REV1: variants seen among roughly 807,000 people sequenced by gnomAD.
REV1 encodes REV1 DNA directed polymerase.
REV1 carries 42 observed loss-of-function variants against 137.4 expected under a neutral mutation model. The observed-to-expected ratio is 0.31, with a 90% confidence interval of 0.24 to 0.40. The LOEUF is 0.40. Ranked by LOEUF, REV1 falls within the 10% of genes least tolerant of loss-of-function variation. The pLI is 1.00. For synonymous variants in REV1, 524 were observed against 519.2 expected (o/e 1.01, Z -0.12); for missense variants, 1,282 against 1,490.1 (o/e 0.86, Z 2.30).
At chr2:99,478,042 G>T (rs761797939) in intron 1 of REV1, among the ~76,000 whole-genome samples, 1 of 152,172 alleles carries the variant, frequency 6.6e-6, no homozygotes, top group African/African-American at 2.4e-5. Flanking sequence ...AGACCAGCCT[G>T]GCCAAAATGG....
intron 11 of REV1, among the ~76,000 whole-genome samples, chr2:99,420,982 G>A (rs999419367): frequency 1.3e-5 from 2 of 152,188 alleles, no homozygotes; most frequent in African/African-American, 4.8e-5. Flanking sequence ...AAAAAGCAGG[G>A]TAAGTGCTGG....
At chr2:99,423,894 T>C (rs1679005264) in intron 10 of REV1, among the ~76,000 whole-genome samples, 2 of 152,194 alleles carry the variant, frequency 1.3e-5, no homozygotes, top group African/African-American at 4.8e-5. Flanking sequence ...CTAGAAGTAA[T>C]ATAAGCAAAT....
intron 1 of REV1, among the ~76,000 whole-genome samples, chr2:99,481,550 T>C (rs1356008917): frequency 6.6e-6 from 1 of 152,228 alleles, no homozygotes; most frequent in Non-Finnish European, 1.5e-5. Context: ...TTCTCACTTC[T>C]TTAGCCAGCA....
intron 1 of REV1, among the ~76,000 whole-genome samples, chr2:99,486,827 A>C (rs1435359850): frequency 2.6e-5 from 4 of 152,216 alleles, no homozygotes; most frequent in African/African-American, 4.8e-5. Flanking sequence ...ACTGGGGATA[A>C]AGCTGTGTAC....
intron 4 of REV1, among the ~76,000 whole-genome samples, chr2:99,448,256 A>G (rs1682473702): frequency 6.6e-6 from 1 of 152,222 alleles, no homozygotes; most frequent in South Asian, 2.1e-4. Context: ...AAAGATAAGC[A>G]ATCTCTCATA....
chr2:99,454,163 G>A (rs1683252607), intron 3 of REV1, among the ~76,000 whole-genome samples: 1 of 151,856 alleles, frequency 6.6e-6, no homozygotes, highest in African/African-American at 2.4e-5. Context: ...GCTGAGGCAG[G>A]AGGATCATTT....
chr2:99,481,698 C>CAG (rs1271651240), intron 1 of REV1, among the ~76,000 whole-genome samples: 1 of 151,670 alleles, frequency 6.6e-6, no homozygotes, highest in Non-Finnish European at 1.5e-5. Context: ...TCCCTACACA[C>CAG]ACACACACAC....
intron 6 of REV1, among the ~76,000 whole-genome samples, chr2:99,436,359 G>T (rs1235770964): frequency 6.6e-6 from 1 of 152,100 alleles, no homozygotes; most frequent in Non-Finnish European, 1.5e-5. Context: ...TTATGTGTAT[G>T]TATTTATTTA....
At chr2:99,413,371 G>T (rs972980951) in intron 12 of REV1, among the ~76,000 whole-genome samples, 1 of 152,020 alleles carries the variant, frequency 6.6e-6, no homozygotes, top group South Asian at 2.1e-4. Flanking sequence ...TTATGATTTC[G>T]GTCATCACCA....
intron 1 of REV1, among the ~76,000 whole-genome samples, chr2:99,483,063 T>C (rs1030989063): frequency 1.3e-5 from 2 of 150,102 alleles, no homozygotes; most frequent in East Asian, 3.9e-4. Context: ...CTTTAAGATA[T>C]TGAAGAAGAA....
chr2:99,478,572 A>G (rs905692333), intron 1 of REV1, among the ~76,000 whole-genome samples: 1 of 152,256 alleles, frequency 6.6e-6, no homozygotes, highest in East Asian at 1.9e-4. Flanking sequence ...TTATCTGTAG[A>G]AAAGTTCAAG....
rs1251391078 is a variant in REV1, at chr2:99,437,879, A to G, written c.1213+722T>C. 5.3e-5 allele frequency among the ~76,000 whole-genome samples: 8 copies of G among 152,260 alleles called. No individual in the cohort carries two copies. In the East Asian group the frequency reaches 1.5e-3, roughly 29 times the overall value. On this transcript the variant is annotated intron_variant, in intron 6 of 22. Transcript: ENST00000258428. ...AAACATAACAGAAAACACCCCACAT[A>G]GAGTCTCTATCACTTTCTAGGACAG...
intron 3 of REV1, among the ~76,000 whole-genome samples, chr2:99,460,801 GAT>G (rs150099331): frequency 0.011 from 1,675 of 151,952 alleles, 9 homozygotes; most frequent in Middle Eastern, 0.024. Flanking sequence ...TGCAGAAAAG[GAT>G]AGAGATAATA....
chr2:99,474,065 T>TA (rs1471645802), intron 1 of REV1, among the ~76,000 whole-genome samples: 1 of 152,236 alleles, frequency 6.6e-6, no homozygotes, highest in Admixed American at 6.5e-5. Context: ...TCCTACCACC[T>TA]AAAAAAATTC....
intron 9 of REV1, among the ~76,000 whole-genome samples, chr2:99,427,272 C>T (rs541733718): frequency 6.6e-6 from 1 of 152,122 alleles, no homozygotes; most frequent in Non-Finnish European, 1.5e-5. Flanking sequence ...TGGGTCCTTA[C>T]AAAAGCACAA....
chr2:99,419,357 C>T (rs1021564696), intron 11 of REV1, among the ~76,000 whole-genome samples: 1 of 151,692 alleles, frequency 6.6e-6, no homozygotes, highest in East Asian at 1.9e-4. Context: ...GGACTACAGG[C>T]GCCCACCACC....
At chr2:99,443,449 T>A (rs1256123477) in intron 4 of REV1, among the ~76,000 whole-genome samples, 1 of 152,210 alleles carries the variant, frequency 6.6e-6, no homozygotes, top group Non-Finnish European at 1.5e-5. Context: ...AATAATCATT[T>A]AAGAAATGAC....
chr2:99,449,623 G>T (rs912626253), intron 3 of REV1, 119 bp from the exon 4 acceptor site: 3 of 460,788 alleles, frequency 6.5e-6, no homozygotes, highest in African/African-American at 6.1e-5. Flanking sequence ...CTCCTTGGCT[G>T]TGTTGCCAGT....
intron 1 of REV1, among the ~76,000 whole-genome samples, chr2:99,477,105 G>A (rs1173991597): frequency 1.3e-5 from 2 of 151,950 alleles, no homozygotes; most frequent in Non-Finnish European, 2.9e-5. Flanking sequence ...ATGGCAAAAC[G>A]GCACTGTCCT....
Sources: allele counts gnomAD v4.1 joint callset (sites outside exome capture counted in the v4.1 genomes callset), GRCh38; gene constraint gnomAD v4.1.1; transcripts MANE v1.5; gene names NCBI Gene and HGNC (gene_info 2026-07-23, HGNC 2026-07-21).